Variants in SCRIB observed in about 807,000 individuals in gnomAD.
SCRIB encodes scribble planar cell polarity protein.
Under a neutral mutation model 170.0 loss-of-function variants are expected in SCRIB, and 72 were observed. The observed-to-expected ratio is 0.42, with a 90% CI of 0.35 to 0.52. The LOEUF is 0.52. Among genes scored for constraint, SCRIB ranks in the 20% least tolerant of loss-of-function variants. The probability of loss-of-function intolerance (pLI) is 0.02; values close to 1 mark genes in which losing one functional copy is unlikely to be tolerated. For missense variants in SCRIB, 2,475 were observed against 2,338.5 expected, an observed-to-expected ratio of 1.06 and a Z score of -1.20; for synonymous variants, 1,298 against 1,044.3, an observed-to-expected ratio of 1.24 and a Z score of -4.68.
Position 143,805,418 on chromosome 8 carries a change from C to G in SCRIB, c.2364G>C (p.Leu788=). The change falls in exon 19 of 37, where the codon CTG becomes CTC. Residue 788 remains leucine (L), a synonymous_variant. Transcript: ENST00000356994. ...CGGCCTCGTGGTGCTCGGCGCCCTG[C>G]AGAGCCACACCATTCACCTGCGGGC... ...DKLLEVNGVA[L]QGAEHHEAVE... 1 of 1,508,914 alleles carries G rather than the reference C, an allele frequency of 6.6e-7. No individual in the cohort carries two copies. The allele number at this position is 1,508,914 out of a possible 1,614,324, so 93.5% of individuals were successfully genotyped here.
intron 24 of SCRIB, 85 bp from the exon 25 acceptor site, chr8:143,795,615 A>G: frequency 8.4e-7 from 1 of 1,186,592 alleles, no homozygotes; most frequent in Non-Finnish European, 1.2e-6. Flanking sequence ...AGCCCAGAAT[A>G]GTCAGCAACG....
At chr8:143,800,287 T>A (rs1019973315) in intron 24 of SCRIB, among the ~76,000 whole-genome samples, 1 of 151,878 alleles carries the variant, frequency 6.6e-6, no homozygotes, top group South Asian at 2.1e-4. Flanking sequence ...AGATAACAAT[T>A]CTTACAGGTT....
At chr8:143,794,085 A>G (rs1554633608) in intron 27 of SCRIB, 123 bp from the exon 28 acceptor site, 3 of 860,062 alleles carry the variant, frequency 3.5e-6, no homozygotes, top group Non-Finnish European at 3.6e-6. Context: ...CAACCTGACT[A>G]TAGCCCAGGG....
Position 143,790,933 on chromosome 8 carries a change from AGTC to A in SCRIB, c.*227_*229del, listed in dbSNP as rs1223773696. Reference sequence around the variant, plus strand: ...GACAGGCAGACGGGAGGTAAAATGTAGTCAACTTTATTCTCCTTAAACCACAAA... The same window carrying A: ...GACAGGCAGACGGGAGGTAAAATGTAAACTTTATTCTCCTTAAACCACAAA... On this transcript the variant is annotated 3_prime_UTR_variant, in exon 37 of 37. Coordinates refer to ENST00000356994, the MANE Select transcript of SCRIB (RefSeq NM_182706.5). 2.4e-6 allele frequency: 1 copy of A among 421,458 alleles called. No homozygotes were observed. Among genetic ancestry groups the A allele is most frequent in the Non-Finnish European group, 4.1e-6 (1 of 245,948 alleles). The allele number at this position is 421,458 out of a possible 1,614,324, so 26.1% of individuals were successfully genotyped here. A position where few individuals can be genotyped will look rare whatever the true frequency, so the allele number is the denominator to read the frequency against.
chr8:143,809,652 C>T lies in SCRIB; in HGVS notation c.1597G>A (p.Glu533Lys). ...DSRPSASTVSEAEPEGPSAEA... is the reference protein window; with the variant it reads ...DSRPSASTVSKAEPEGPSAEA... ...GCCGACGGGCCCTCGGGCTCAGCCTCAGAGACTGTGCTGGCAGATGGGCGA... is the reference window on the plus strand; with the variant it reads ...GCCGACGGGCCCTCGGGCTCAGCCTTAGAGACTGTGCTGGCAGATGGGCGA... Residue 533 changes from glutamate (E) to lysine (K), a missense_variant, in exon 14 of 37, where the codon GAG becomes AAG. Glu to Lys is a moderately conservative substitution (Grantham distance 56, BLOSUM62 1). This residue lies in a region of SCRIB where 1,966 missense variants were observed against 1,742.9 expected (regional missense o/e 1.13). Transcript: ENST00000356994. 1 of 1,611,452 alleles carries T rather than the reference C, an allele frequency of 6.2e-7. No homozygotes were observed. The highest frequency in any genetic ancestry group is 8.5e-7 in the Non-Finnish European group (1 of 1,179,934).
At chr8:143,807,375 G>A (rs1329957515) in intron 16 of SCRIB, among the ~76,000 whole-genome samples, 177 bp downstream of exon 16, 1 of 152,202 alleles carries the variant, frequency 6.6e-6, no homozygotes, top group African/African-American at 2.4e-5. Context: ...GCTCACCCCT[G>A]CCAAGACGGG....
chr8:143,808,684 G>T lies in SCRIB; in HGVS notation c.2040C>A (p.Asn680Lys), dbSNP rs201223263. Residue 680 changes from asparagine to lysine, a missense_variant, in exon 15 of 37, where the codon AAC (asparagine) becomes AAA (lysine). This residue lies in a region of SCRIB where 1,966 missense variants were observed against 1,742.9 expected (regional missense o/e 1.13). Transcript: ENST00000356994. ...QEEEEEEEEE[N>K]RAEEEEASTE... ...TGCTGGCCTCTTCCTCTTCAGCCCT[G>T]TTTTCCTCCTCCTCCTCTTCCTCCT... The T allele has an allele frequency of 6.5e-7, 1 of 1,545,856 alleles. No individual in the cohort carries two copies.
At chr8:143,794,936 G>A (rs576636302) in intron 27 of SCRIB, 102 bp downstream of exon 27, 16 of 1,142,446 alleles carry the variant, frequency 1.4e-5, no homozygotes, top group Middle Eastern at 3.0e-4. Context: ...CCCAGCCCCC[G>A]CCCAAAGGTT....
Position 143,793,790 on chromosome 8 carries a change from C to T in SCRIB, c.3909+110G>A, listed in dbSNP as rs1004911657. ...AGGGAAAACCGGAGTCAACAGCACCCCACGATGGCCCCTGACCCCCCATCC... is the reference window on the plus strand; with the variant it reads ...AGGGAAAACCGGAGTCAACAGCACCTCACGATGGCCCCTGACCCCCCATCC... On this transcript the variant is annotated intron_variant, in intron 28 of 36. Coordinates refer to ENST00000356994, the MANE Select transcript of SCRIB (RefSeq NM_182706.5). The T allele has an allele frequency of 5.4e-5, 59 of 1,092,632 alleles. No individual in the cohort carries two copies. In the African/African-American group the frequency reaches 8.9e-4, roughly 16 times the overall value. 67.7% of individuals were successfully genotyped at this position (1,092,632 alleles called of 1,614,324 possible).
At chr8:143,794,238 G>T in intron 27 of SCRIB, 1 of 469,094 alleles carries the variant, frequency 2.1e-6, no homozygotes, top group South Asian at 3.8e-5. Flanking sequence ...AGGACAGCCG[G>T]AGAAGAGAGC....
Position 143,815,714 on chromosome 8 carries a change from G to C in SCRIB, c.-342C>G. On this transcript the variant is annotated 5_prime_UTR_variant, in exon 1 of 37. Coordinates refer to ENST00000356994, the MANE Select transcript of SCRIB (RefSeq NM_182706.5). ...TGCCGCACCGGAACCGCCGCTGCCC[G>C]CCGGACTGCCCCGCCGACACCCACC... 1 of 983,640 alleles carries C rather than the reference G, an allele frequency of 1.0e-6. No individual in the cohort carries two copies. Among genetic ancestry groups the C allele is most frequent in the Non-Finnish European group, 1.2e-6 (1 of 829,352 alleles). The allele number at this position is 983,640 out of a possible 1,614,324, so 60.9% of individuals were successfully genotyped here. A position where few individuals can be genotyped will look rare whatever the true frequency, so the allele number is the denominator to read the frequency against.
At chr8:143,804,892 A>AG (rs1554636025) in intron 20 of SCRIB, 42 bp downstream of exon 20, 13 of 133,314 alleles carry the variant, frequency 9.8e-5, no homozygotes, top group East Asian at 1.1e-3. Flanking sequence ...GGGGCGGGGC[A>AG]GGGGGGATGG....
At chr8:143,802,863 G>A (rs1554635235) in intron 24 of SCRIB, among the ~76,000 whole-genome samples, 1 of 152,240 alleles carries the variant, frequency 6.6e-6, no homozygotes, top group African/African-American at 2.4e-5. Flanking sequence ...CAGTTGGGCA[G>A]GAGATCTTGG....
intron 5 of SCRIB, 39 bp downstream of exon 5, chr8:143,813,431 C>G: frequency 1.9e-6 from 3 of 1,613,036 alleles, no homozygotes; most frequent in Non-Finnish European, 2.5e-6. Context: ...TGGGCTGTGG[C>G]CCTGCCCTGG....
At chr8:143,791,587 G>C (rs1263988516) in intron 35 of SCRIB, 79 bp downstream of exon 35, 2 of 1,513,486 alleles carry the variant, frequency 1.3e-6, no homozygotes, top group Non-Finnish European at 1.8e-6. Context: ...AGAGCGTGGG[G>C]AGGCCCTGCG....
chr8:143,814,525 G>A (rs895299314), intron 1 of SCRIB, among the ~76,000 whole-genome samples: 5 of 151,942 alleles, frequency 3.3e-5, no homozygotes, highest in South Asian at 2.1e-4. Flanking sequence ...CTCAGTAAAC[G>A]CTCCCCACAA....
intron 6 of SCRIB, 92 bp downstream of exon 6, chr8:143,813,219 C>T: frequency 6.3e-7 from 1 of 1,589,126 alleles, no homozygotes; most frequent in South Asian, 1.1e-5. Context: ...TCCCGAGGTG[C>T]CCCTTGCTGT....
chr8:143,815,591 G>C lies in SCRIB; in HGVS notation c.-219C>G. 1 of 981,922 alleles carries C rather than the reference G, an allele frequency of 1.0e-6. No homozygotes were observed. Among genetic ancestry groups the C allele is most frequent in the Non-Finnish European group, 1.2e-6 (1 of 828,480 alleles). 60.8% of individuals were successfully genotyped at this position (981,922 alleles called of 1,614,324 possible). A position where few individuals can be genotyped will look rare whatever the true frequency, so the allele number is the denominator to read the frequency against. The stretch of plus-strand genomic sequence containing the variant: ...CTGGGCAGGGGGCGCGGCCCGGCGG[G>C]TCTCAGACTCTTAGGAAGCGCGGGG... On this transcript the variant is annotated 5_prime_UTR_variant, in exon 1 of 37. Transcript: ENST00000356994.
chr8:143,810,045 T>C (rs1447279017), intron 13 of SCRIB, among the ~76,000 whole-genome samples: 4 of 151,800 alleles, frequency 2.6e-5, no homozygotes, highest in Admixed American at 6.6e-5. Flanking sequence ...CCACACACCC[T>C]ACCCCAGCCC....
Sources: allele counts gnomAD v4.1 joint callset (sites outside exome capture counted in the v4.1 genomes callset), GRCh38; gene constraint gnomAD v4.1.1; regional missense constraint gnomAD v4.1.1; transcripts MANE v1.5; gene names NCBI Gene and HGNC (gene_info 2026-07-23, HGNC 2026-07-21).